The following RAB2A variants were observed in gnomAD, a reference collection of about 807,000 sequenced individuals.
The protein encoded by RAB2A is RAB2A, member RAS oncogene family, also known as ras-related protein Rab-2A.
RAB2A carries 7 observed loss-of-function variants against 32.5 expected under a neutral mutation model. The ratio of observed to expected loss-of-function variants is 0.22; its 90% CI spans 0.12 to 0.40. The LOEUF (loss-of-function observed/expected upper bound fraction) is 0.40. Ranked by LOEUF, RAB2A falls within the 10% of genes least tolerant of loss-of-function variation. RAB2A has a pLI of 1.00. For missense variants in RAB2A, 108 were observed against 260.7 expected, an observed-to-expected ratio of 0.41 and a Z score of 4.03; for synonymous variants, 79 against 85.2, an observed-to-expected ratio of 0.93 and a Z score of 0.40.
chr8:60,562,462 A>C (rs185067633), intron 2 of RAB2A, among the ~76,000 whole-genome samples: 12 of 152,348 alleles, frequency 7.9e-5, no homozygotes, highest in Admixed American at 6.5e-4. Context: ...TTGGGGTCAT[A>C]GTCCAGCCAT....
At chr8:60,618,951 A>G (rs935278093) in intron 7 of RAB2A, 1 of 152,860 alleles carries the variant, frequency 6.5e-6, no homozygotes, top group African/African-American at 2.4e-5. Context: ...CAAAGAGAAA[A>G]GAAAATCCAC....
At chr8:60,534,503 A>C (rs1234254942) in intron 1 of RAB2A, among the ~76,000 whole-genome samples, 4 of 152,192 alleles carry the variant, frequency 2.6e-5, no homozygotes, top group Non-Finnish European at 5.9e-5. Flanking sequence ...AACAAATGAA[A>C]AATCAGGTGA....
At chr8:60,557,171 C>G (rs1317863285) in intron 1 of RAB2A, among the ~76,000 whole-genome samples, 1 of 152,128 alleles carries the variant, frequency 6.6e-6, no homozygotes, top group Non-Finnish European at 1.5e-5. Context: ...ACTGTAAGAT[C>G]ACATGTTTTG....
intron 6 of RAB2A, among the ~76,000 whole-genome samples, chr8:60,598,646 A>C (rs1050940523): frequency 6.6e-6 from 1 of 152,178 alleles, no homozygotes; most frequent in Non-Finnish European, 1.5e-5. Context: ...CCACCATTTA[A>C]TAGGGTAAAG....
chr8:60,589,179 G>A (rs2130852019), intron 5 of RAB2A, among the ~76,000 whole-genome samples: 3 of 152,272 alleles, frequency 2.0e-5, no homozygotes, highest in African/African-American at 7.2e-5. Flanking sequence ...TTTTCCTTGT[G>A]GCTGAAACAT....
At chr8:60,611,451 A>G (rs1804346883) in intron 6 of RAB2A, among the ~76,000 whole-genome samples, 1 of 152,278 alleles carries the variant, frequency 6.6e-6, no homozygotes, top group Admixed American at 6.5e-5. Context: ...TTTCTCTCTC[A>G]GAAGTGGTCA....
chr8:60,536,046 C>T (rs989568113), intron 1 of RAB2A, among the ~76,000 whole-genome samples: 2 of 152,106 alleles, frequency 1.3e-5, no homozygotes, highest in Non-Finnish European at 2.9e-5. Flanking sequence ...CCTTCTTGTG[C>T]GTTTGTGCAA....
chr8:60,590,544 TTA>T (rs926133534), intron 5 of RAB2A, among the ~76,000 whole-genome samples: 1 of 146,482 alleles, frequency 6.8e-6, no homozygotes, highest in African/African-American at 2.5e-5. Flanking sequence ...TATATATATT[TTA>T]TATATATATG....
At chr8:60,542,667 G>A (rs1009014468) in intron 1 of RAB2A, among the ~76,000 whole-genome samples, 10 of 152,120 alleles carry the variant, frequency 6.6e-5, no homozygotes, top group African/African-American at 2.4e-4. Context: ...AATATTGGGG[G>A]TACTTTAATA....
chr8:60,581,100 CTATA>C (rs1420483777), intron 3 of RAB2A, among the ~76,000 whole-genome samples: 1 of 152,162 alleles, frequency 6.6e-6, no homozygotes, highest in Non-Finnish European at 1.5e-5. Context: ...GTGCTGAACT[CTATA>C]TATACTAGTT....
chr8:60,553,971 T>C (rs1807896402), intron 1 of RAB2A, among the ~76,000 whole-genome samples: 1 of 152,170 alleles, frequency 6.6e-6, no homozygotes. Flanking sequence ...CAAAAAGATA[T>C]GATATCATTT....
intron 1 of RAB2A, among the ~76,000 whole-genome samples, chr8:60,520,500 A>C (rs1188631204): frequency 6.6e-6 from 1 of 152,244 alleles, no homozygotes; most frequent in Non-Finnish European, 1.5e-5. Flanking sequence ...CCTGCTGCTC[A>C]ACGCTCAGCA....
intron 1 of RAB2A, among the ~76,000 whole-genome samples, chr8:60,526,935 C>G (rs1021846321): frequency 6.8e-6 from 1 of 146,064 alleles, no homozygotes; most frequent in Non-Finnish European, 1.5e-5. Flanking sequence ...CACCATTGCA[C>G]TCCAGCCTGG....
At chr8:60,573,461 C>A (rs1808225491) in intron 3 of RAB2A, among the ~76,000 whole-genome samples, 1 of 152,148 alleles carries the variant, frequency 6.6e-6, no homozygotes, top group Non-Finnish European at 1.5e-5. Flanking sequence ...CCTGATACTT[C>A]CTATGTGTCA....
At chr8:60,599,776 C>A (rs1459396858) in intron 6 of RAB2A, among the ~76,000 whole-genome samples, 1 of 151,662 alleles carries the variant, frequency 6.6e-6, no homozygotes, top group Non-Finnish European at 1.5e-5. Flanking sequence ...AACACAAAAT[C>A]CTGGAGTTAA....
intron 1 of RAB2A, among the ~76,000 whole-genome samples, chr8:60,521,720 A>G (rs753054235): frequency 8.5e-5 from 13 of 152,182 alleles, no homozygotes; most frequent in Non-Finnish European, 1.8e-4. Flanking sequence ...TCTTAGGTTC[A>G]AGCGATTCTC....
At chr8:60,604,839 G>T (rs574348672) in intron 6 of RAB2A, among the ~76,000 whole-genome samples, 1 of 152,326 alleles carries the variant, frequency 6.6e-6, no homozygotes, top group South Asian at 2.1e-4. Flanking sequence ...AGAGCATAAA[G>T]GTGAAAAATT....
intron 5 of RAB2A, 51 bp from the exon 6 acceptor site, chr8:60,591,805 TTC>T: frequency 8.6e-7 from 1 of 1,168,282 alleles, no homozygotes. Context: ...CCACAAATGC[TTC>T]TGTTTGTACC....
chr8:60,596,670 C>G (rs188943698), intron 6 of RAB2A, among the ~76,000 whole-genome samples: 160 of 152,180 alleles, frequency 1.1e-3, no homozygotes, highest in African/African-American at 3.8e-3. Context: ...TGCCTGTAAT[C>G]CCAGCACTTT....
Sources: gnomAD v4.1 joint callset for allele counts (sites outside exome capture counted in the v4.1 genomes callset) on GRCh38, gnomAD v4.1.1 for gene constraint, MANE v1.5 for transcripts, NCBI Gene and HGNC (gene_info 2026-07-23, HGNC 2026-07-21) for gene names.